Variants in TBX22 observed in about 807,000 individuals in gnomAD.
The protein encoded by TBX22 is T-box transcription factor TBX22.
In TBX22, 8 loss-of-function variants were observed where a neutral mutation model predicts 30.1. The ratio of observed to expected loss-of-function variants is 0.27; its 90% CI spans 0.16 to 0.48. The LOEUF is 0.48. Among genes scored for constraint, TBX22 ranks in the 20% least tolerant of loss-of-function variants. The pLI, the probability that TBX22 is intolerant of heterozygous loss-of-function variation, is 0.99. For synonymous variants in TBX22, 173 were observed against 149.1 expected (o/e 1.16, Z -1.17); for missense variants, 463 against 400.5 (o/e 1.16, Z -1.33).
chrX:80,022,558 T>A, intron 2 of TBX22, 114 bp downstream of exon 2: 1 of 751,656 alleles, frequency 1.3e-6, no homozygotes, highest in Non-Finnish European at 2.0e-6. Flanking sequence ...GCGAGACACC[T>A]CGACCACCTG....
chrX:80,015,555 A>C (rs1298179678), intron 1 of TBX22, among the ~76,000 whole-genome samples: 1 of 112,501 alleles, frequency 8.9e-6, no homozygotes, highest in Non-Finnish European at 1.9e-5. Flanking sequence ...AAGTGTGCCA[A>C]AAAAGATTGT....
At chrX:80,019,071 T>C (rs1353954222) in intron 1 of TBX22, among the ~76,000 whole-genome samples, 1 of 112,133 alleles carries the variant, frequency 8.9e-6, no homozygotes, top group Non-Finnish European at 1.9e-5. Flanking sequence ...ATCTTCCAAA[T>C]TTTATCAAGA....
At position 80,030,196 on chromosome X, in the gene TBX22, C is replaced by G. The variant is rs773295935; in HGVS notation, c.950-302C>G. Among the ~76,000 whole-genome samples the G allele has an allele frequency of 4.5e-5, 5 of 111,983 alleles. No individual in the cohort carries two copies. In the South Asian group the frequency reaches 1.9e-3, roughly 42 times the overall value. ...CGCTGATCTGAAAGGAGGCAGAGCT[C>G]AGGCAATGAGGTAATGCTCACTGGC... On this transcript the variant is annotated intron_variant, in intron 8 of 8. Transcript: ENST00000373296.
intron 1 of TBX22, among the ~76,000 whole-genome samples, chrX:80,016,646 C>G (rs983635520): frequency 9.0e-6 from 1 of 111,487 alleles, no homozygotes; most frequent in African/African-American, 3.3e-5. Flanking sequence ...TCCTAGCCCA[C>G]TTTCTTTGAG....
At chrX:80,025,824 C>T (rs1569299033) in intron 5 of TBX22, 47 bp downstream of exon 5, 3 of 1,112,763 alleles carry the variant, frequency 2.7e-6, no homozygotes, top group Non-Finnish European at 3.7e-6. Flanking sequence ...TGCCAAGGCT[C>T]CTGCCCACTG....
chrX:80,019,017 A>G (rs1317983149), intron 1 of TBX22, among the ~76,000 whole-genome samples: 1 of 111,885 alleles, frequency 8.9e-6, no homozygotes, highest in Non-Finnish European at 1.9e-5. Flanking sequence ...TAGTATTGAA[A>G]AAGGAGAAGA....
chrX:80,018,171 T>C (rs994480525), intron 1 of TBX22, among the ~76,000 whole-genome samples: 14 of 112,077 alleles, frequency 1.2e-4, no homozygotes, highest in Non-Finnish European at 2.4e-4. Flanking sequence ...AGTGTGAGAA[T>C]TACTTTAATA....
At chrX:80,023,323 G>A in intron 3 of TBX22, 83 bp downstream of exon 3, 1 of 944,957 alleles carries the variant, frequency 1.1e-6, no homozygotes, top group Non-Finnish European at 1.5e-6. Flanking sequence ...GGACTCTCCA[G>A]TTTTATGCTC....
Position 80,020,498 on chromosome X carries a change from C to T in TBX22, c.-2-1770C>T, listed in dbSNP as rs181030460. 8.0e-5 allele frequency among the ~76,000 whole-genome samples: 9 copies of T among 112,169 alleles called. No homozygotes were observed. The East Asian group carries it at 2.5e-3, about 31-fold the overall frequency. On this transcript the variant is annotated intron_variant, in intron 1 of 8. Transcript: ENST00000373296. ...AAATTGGCCTTACCTGTGAGGTTCA[C>T]TTTGCCTGTCTAGGATAGGGACAGT...
At chrX:80,026,217 CCAAA>C (rs906652651) in intron 5 of TBX22, among the ~76,000 whole-genome samples, 1 of 111,539 alleles carries the variant, frequency 9.0e-6, no homozygotes, top group Non-Finnish European at 1.9e-5. Context: ...TGGAAATCTC[CCAAA>C]CAACCTACCC....
rs773515696 is a variant in TBX22, at chrX:80,025,553, C to T, written c.459-50C>T. Reference sequence around the variant, plus strand: ...AGTCCTCAGGAACAGAACACAACAGCTCCCAGCTTTGGCCTGCTGCACCTA... The same window carrying T: ...AGTCCTCAGGAACAGAACACAACAGTTCCCAGCTTTGGCCTGCTGCACCTA... On this transcript the variant is annotated intron_variant, in intron 4 of 8. Coordinates refer to ENST00000373296, the MANE Select transcript of TBX22 (RefSeq NM_001109878.2). The T allele has an allele frequency of 1.6e-5, 17 of 1,081,348 alleles. No individual in the cohort carries two copies. The South Asian group carries it at 2.8e-4, about 18-fold the overall frequency. 89.1% of individuals were successfully genotyped at this position (1,081,348 alleles called of 1,213,427 possible).
At chrX:80,026,912 G>A in intron 6 of TBX22, 44 bp downstream of exon 6, 1 of 1,172,890 alleles carries the variant, frequency 8.5e-7, no homozygotes, top group Non-Finnish European at 1.2e-6. Context: ...GGCTCCAGAG[G>A]GACCTTGGAT....
chrX:80,030,349 G>T (rs1046761922), intron 8 of TBX22, 149 bp from the exon 9 acceptor site: 3 of 702,725 alleles, frequency 4.3e-6, no homozygotes, highest in Admixed American at 2.5e-5. Context: ...GAATGAGCAG[G>T]TCCTGTCTCA....
rs1923807519 is a variant in TBX22 at position 80,023,195 on chromosome X, G to C, written c.311G>C (p.Arg104Thr). 9.9e-6 allele frequency: 12 copies of C among 1,210,318 alleles called. No individual in the cohort carries two copies. The highest frequency in any genetic ancestry group is 1.3e-5 in the Non-Finnish European group (12 of 895,273). ...MELQGSELWKRFHDIGTEMII... is the reference protein window; with the variant it reads ...MELQGSELWKTFHDIGTEMII... ...CTTCAAGGATCTGAACTGTGGAAAA[G>C]ATTCCATGACATCGGGACTGAGATG... Residue 104 changes from arginine (R) to threonine (T), a missense_variant, in exon 3 of 9, where the codon AGA (arginine) becomes ACA (threonine). Coordinates refer to ENST00000373296, the MANE Select transcript of TBX22 (RefSeq NM_001109878.2).
At chrX:80,027,145 T>C (rs764180213) in intron 6 of TBX22, 111 bp from the exon 7 acceptor site, 14 of 517,331 alleles carry the variant, frequency 2.7e-5, no homozygotes, top group Non-Finnish European at 4.1e-5. Context: ...TAAATTGTCA[T>C]ATTAACGTGT....
rs1165036733 is a variant in TBX22, at chrX:80,030,921, C to G, written c.1373C>G (p.Ser458Cys). Residue 458 changes from serine (S) to cysteine (C), a missense_variant, in exon 9 of 9, where the codon TCC becomes TGC. By Grantham distance (112) the Ser-to-Cys change is moderately radical (BLOSUM62 -1). Coordinates refer to ENST00000373296, the MANE Select transcript of TBX22 (RefSeq NM_001109878.2). ...QSPGNIFLPNSITPEALSCSF... is the reference protein window; with the variant it reads ...QSPGNIFLPNCITPEALSCSF... ...CCTGGAAATATTTTTCTGCCAAACT[C>G]CATCACCCCAGAAGCACTTAGTTGC... The G allele has an allele frequency of 1.7e-6, 2 of 1,209,858 alleles. No individual in the cohort carries two copies. Among genetic ancestry groups the G allele is most frequent in the African/African-American group, 1.7e-5 (1 of 57,408 alleles).
chrX:80,018,745 A>T (rs1160055492), intron 1 of TBX22, among the ~76,000 whole-genome samples: 1 of 112,246 alleles, frequency 8.9e-6, no homozygotes, highest in Non-Finnish European at 1.9e-5. Context: ...ACACTTACAG[A>T]AACATACTCT....
rs184344897 is a variant in TBX22 at position 80,030,258 on chromosome X, A to G, written c.950-240A>G. On this transcript the variant is annotated intron_variant, in intron 8 of 8. Coordinates refer to ENST00000373296, the MANE Select transcript of TBX22 (RefSeq NM_001109878.2). ...CTCTTGCTGTCCAGCCTGATTCATA[A>G]CAGGCTACAGACCTGTACCAGTGGG... 6.6e-4 allele frequency among the ~76,000 whole-genome samples: 74 copies of G among 112,048 alleles called. 1 individual carries two copies. Among genetic ancestry groups the G allele is most frequent in the Non-Finnish European group, 1.3e-3 (67 of 53,212 alleles).
intron 1 of TBX22, among the ~76,000 whole-genome samples, chrX:80,016,496 CAG>C (rs1298671353): frequency 1.8e-5 from 2 of 109,991 alleles, no homozygotes; most frequent in Non-Finnish European, 3.8e-5. Flanking sequence ...TCCTCATAAA[CAG>C]TATTTTTTTT....
Sources: allele counts gnomAD v4.1 joint callset (sites outside exome capture counted in the v4.1 genomes callset), GRCh38; gene constraint gnomAD v4.1.1; transcripts MANE v1.5; gene names NCBI Gene and HGNC (gene_info 2026-07-23, HGNC 2026-07-21).